Variants in COL25A1 observed in about 807,000 individuals in gnomAD.
COL25A1 encodes the protein collagen alpha-1(XXV) chain.
A neutral mutation model predicts 128.4 loss-of-function variants in COL25A1; 103 were observed. That is an observed-to-expected ratio of 0.80 (90% CI 0.68 to 0.94). The LOEUF is 0.94. Among genes scored for constraint, COL25A1 ranks in the 40% least tolerant of loss-of-function variants. The pLI, the probability that COL25A1 is intolerant of heterozygous loss-of-function variation, is 0.00. For synonymous variants in COL25A1, 279 were observed against 277.2 expected (o/e 1.01, Z -0.06); for missense variants, 745 against 840.0 (o/e 0.89, Z 1.40).
intron 5 of COL25A1, among the ~76,000 whole-genome samples, chr4:109,033,149 A>G (rs1759026609): frequency 6.6e-6 from 1 of 152,238 alleles, no homozygotes; most frequent in Non-Finnish European, 1.5e-5. Flanking sequence ...CATTGAAAGG[A>G]AAGTTCAGGG....
intron 32 of COL25A1, among the ~76,000 whole-genome samples, chr4:108,827,566 A>G (rs1175643241): frequency 2.6e-5 from 4 of 152,174 alleles, no homozygotes; most frequent in Non-Finnish European, 5.9e-5. Context: ...TCCCTCTTTC[A>G]TCCAGGCTGG....
chr4:109,038,876 C>CTT (rs1759601210), intron 5 of COL25A1, among the ~76,000 whole-genome samples: 1 of 152,180 alleles, frequency 6.6e-6, no homozygotes, highest in Non-Finnish European at 1.5e-5. Context: ...CTCCAGCAAG[C>CTT]TTATAGTTCT....
chr4:109,166,323 C>CT, intron 3 of COL25A1, among the ~76,000 whole-genome samples: 1 of 152,304 alleles, frequency 6.6e-6, no homozygotes. Context: ...ATCCTTAAAG[C>CT]TTTTCCTGTA....
chr4:109,093,457 G>GAAAAAAAAA (rs564834752), intron 3 of COL25A1, among the ~76,000 whole-genome samples: 84 of 69,442 alleles, frequency 1.2e-3, no homozygotes, highest in African/African-American at 5.3e-3. Flanking sequence ...CCATCTCTAT[G>GAAAAAAAAA]AAAAAAAAAA....
chr4:108,960,611 C>T (rs1206181138), intron 8 of COL25A1, among the ~76,000 whole-genome samples: 1 of 152,028 alleles, frequency 6.6e-6, no homozygotes. Context: ...ACGTTAGAGC[C>T]CCCTTTGTAT....
chr4:109,018,767 A>G (rs1200742364), intron 5 of COL25A1, among the ~76,000 whole-genome samples: 4 of 152,224 alleles, frequency 2.6e-5, no homozygotes, highest in African/African-American at 9.6e-5. Flanking sequence ...CAAAGAGGGT[A>G]GACAATAATA....
chr4:108,857,128 C>T (rs749649495), intron 24 of COL25A1, among the ~76,000 whole-genome samples: 1 of 152,024 alleles, frequency 6.6e-6, no homozygotes, highest in East Asian at 1.9e-4. Flanking sequence ...TATATTGGAA[C>T]AGTTCTTGGA....
Position 108,859,673 on chromosome 4 carries a change from G to A in COL25A1, c.1303C>T (p.Leu435Phe). The A allele has an allele frequency of 6.2e-7, 1 of 1,613,766 alleles. No individual in the cohort carries two copies. Among genetic ancestry groups the A allele is most frequent in the African/African-American group, 1.3e-5 (1 of 75,012 alleles). The change falls in exon 24 of 38, where the codon CTC becomes TTC. Residue 435 changes from leucine (L) to phenylalanine (F), a missense_variant. Around this residue, in one of 3 missense-constraint regions of COL25A1, gnomAD observed 387 missense variants for 441.9 expected, o/e 0.88. Coordinates refer to ENST00000399132, the MANE Select transcript of COL25A1 (RefSeq NM_198721.4). ...ATEIIDYNGN[L>F]HEALQRITTL... is the part of the protein sequence containing the mutation. The stretch of plus-strand genomic sequence containing the variant: ...TCACTTGCCTGTAAGGCTTCGTGGA[G>A]GTTGCCGTTGTAGTCTATGATCTCA...
chr4:109,074,944 TC>T (rs1006177476), intron 3 of COL25A1, among the ~76,000 whole-genome samples: 52 of 151,992 alleles, frequency 3.4e-4, no homozygotes, highest in Admixed American at 9.2e-4. Context: ...ACAAAATAGG[TC>T]CCCCAAAACA....
At chr4:109,179,301 A>C (rs980430636) in intron 3 of COL25A1, among the ~76,000 whole-genome samples, 4 of 152,102 alleles carry the variant, frequency 2.6e-5, no homozygotes, top group African/African-American at 9.6e-5. Context: ...ACCTCCCCCC[A>C]CTGCACCTGA....
chr4:108,986,924 C>T (rs10019753), intron 6 of COL25A1, among the ~76,000 whole-genome samples: 120,466 of 152,052 alleles, frequency 0.79, 48,971 homozygotes, highest in East Asian at 1. Context: ...AATATACCAG[C>T]AAAAACTAAA....
intron 3 of COL25A1, among the ~76,000 whole-genome samples, chr4:109,127,401 T>C (rs1216761253): frequency 1.3e-5 from 2 of 152,216 alleles, no homozygotes; most frequent in African/African-American, 2.4e-5. Context: ...AGAAAAATCA[T>C]TGATTTTTGA....
intron 13 of COL25A1, 62 bp downstream of exon 13, chr4:108,918,110 T>C: frequency 9.6e-7 from 1 of 1,045,966 alleles, no homozygotes; most frequent in South Asian, 1.7e-5. Flanking sequence ...TGGACTAGAA[T>C]AATTTTGTGA....
intron 24 of COL25A1, among the ~76,000 whole-genome samples, chr4:108,857,528 A>G (rs2125784781): frequency 6.6e-6 from 1 of 151,834 alleles, no homozygotes; most frequent in Middle Eastern, 3.4e-3. Flanking sequence ...GAAGAAAAAT[A>G]ATGAAAAGGC....
chr4:108,835,965 G>A (rs191535634), intron 31 of COL25A1, among the ~76,000 whole-genome samples: 27 of 131,954 alleles, frequency 2.0e-4, no homozygotes, highest in Admixed American at 7.8e-4. Flanking sequence ...TCTGCCTCTC[G>A]GGTTTATGCC....
intron 3 of COL25A1, among the ~76,000 whole-genome samples, chr4:109,138,886 T>C (rs1472454478): frequency 6.6e-6 from 1 of 152,056 alleles, no homozygotes; most frequent in Non-Finnish European, 1.5e-5. Flanking sequence ...TTTTTGTATT[T>C]TTAGTAGAGA....
Position 108,915,120 on chromosome 4 carries a change from A to G in COL25A1, c.780+3052T>C, listed in dbSNP as rs149590511. Among the ~76,000 whole-genome samples, 373 of 152,322 alleles carry G rather than the reference A, an allele frequency of 2.4e-3. 1 individual carries two copies. The highest frequency in any genetic ancestry group is 8.0e-3 in the African/African-American group (334 of 41,586). On this transcript the variant is annotated intron_variant, in intron 13 of 37. Coordinates refer to ENST00000399132, the MANE Select transcript of COL25A1 (RefSeq NM_198721.4). ...GCCAGAAGGGGCAAGATTGGAGTCT[A>G]ATGCCATGCCACTGCATAAGCAGTC... is the stretch of plus-strand genomic sequence containing the variant.
chr4:109,036,248 AT>A (rs147685063), intron 5 of COL25A1, among the ~76,000 whole-genome samples: 14,988 of 151,716 alleles, frequency 0.099, 894 homozygotes, highest in African/African-American at 0.15. Flanking sequence ...TTTAAAAAGG[AT>A]TTTTTTTTCC....
chr4:108,989,934 C>T (rs1327397123), intron 6 of COL25A1, among the ~76,000 whole-genome samples: 2 of 151,774 alleles, frequency 1.3e-5, no homozygotes, highest in African/African-American at 2.4e-5. Flanking sequence ...CCAAATACGC[C>T]GGGCGCAGTG....
Sources: allele counts gnomAD v4.1 joint callset (sites outside exome capture counted in the v4.1 genomes callset), GRCh38; gene constraint gnomAD v4.1.1; regional missense constraint gnomAD v4.1.1; transcripts MANE v1.5; gene names NCBI Gene and HGNC (gene_info 2026-07-23, HGNC 2026-07-21).